Variants in AUTS2 observed in about 807,000 individuals in gnomAD.
AUTS2 encodes autism susceptibility gene 2 protein.
AUTS2 carries 17 observed loss-of-function variants against 112.4 expected under a neutral mutation model. That is an observed-to-expected ratio of 0.15 (90% CI 0.10 to 0.23). AUTS2 has a LOEUF of 0.23. AUTS2 is among the 10% of genes least tolerant of loss of function. The pLI, the probability that AUTS2 is intolerant of heterozygous loss-of-function variation, is 1.00. For synonymous variants in AUTS2, 751 were observed against 702.7 expected (o/e 1.07, Z -1.09); for missense variants, 1,510 against 1,701.6 (o/e 0.89, Z 1.98).
intron 1 of AUTS2, among the ~76,000 whole-genome samples, chr7:69,628,019 A>G (rs1360813593): frequency 6.6e-6 from 1 of 152,198 alleles, no homozygotes; most frequent in Admixed American, 6.5e-5. Flanking sequence ...TGTTTCAGGC[A>G]TTTCTTGTAT....
intron 4 of AUTS2, among the ~76,000 whole-genome samples, chr7:70,210,165 T>G (rs1197266241): frequency 1.3e-5 from 2 of 152,174 alleles, no homozygotes; most frequent in Admixed American, 1.3e-4. Context: ...AGAATAACCC[T>G]TCTCACTTCC....
intron 4 of AUTS2, among the ~76,000 whole-genome samples, chr7:70,243,668 A>T (rs1430029300): frequency 1.3e-5 from 2 of 152,180 alleles, no homozygotes; most frequent in Non-Finnish European, 2.9e-5. Flanking sequence ...GTAGTGACAC[A>T]TGGCATATTC....
At chr7:69,897,083 T>C (rs1173183639) in intron 1 of AUTS2, among the ~76,000 whole-genome samples, 2 of 152,228 alleles carry the variant, frequency 1.3e-5, no homozygotes, top group Non-Finnish European at 2.9e-5. Context: ...CAGTGCTACA[T>C]TGGTACTTGG....
intron 1 of AUTS2, among the ~76,000 whole-genome samples, chr7:69,799,753 CTT>C (rs1156893175): frequency 6.6e-6 from 1 of 152,102 alleles, no homozygotes; most frequent in South Asian, 2.1e-4. Flanking sequence ...GTGCCTCAGT[CTT>C]TTTTTCCTCA....
chr7:70,076,970 A>G (rs1033587900), intron 2 of AUTS2, among the ~76,000 whole-genome samples: 3 of 152,040 alleles, frequency 2.0e-5, no homozygotes, highest in Non-Finnish European at 1.5e-5. Flanking sequence ...GTGTAGATAT[A>G]TAGCCTAGGG....
At chr7:70,454,937 G>A (rs571650248) in intron 5 of AUTS2, among the ~76,000 whole-genome samples, 1 of 152,316 alleles carries the variant, frequency 6.6e-6, no homozygotes, top group Admixed American at 6.5e-5. Context: ...TGCTGTTCCT[G>A]TTGTCACTGG....
chr7:70,063,650 G>A (rs932656613), intron 2 of AUTS2, among the ~76,000 whole-genome samples: 2 of 152,142 alleles, frequency 1.3e-5, no homozygotes, highest in African/African-American at 4.8e-5. Context: ...ACACAGCAGT[G>A]GCAGTGTTCA....
At chr7:70,496,907 C>CA (rs1798560054) in intron 5 of AUTS2, among the ~76,000 whole-genome samples, 4 of 130,986 alleles carry the variant, frequency 3.1e-5, no homozygotes, top group Non-Finnish European at 3.2e-5. Flanking sequence ...ATCACACACC[C>CA]CTCACACACA....
intron 2 of AUTS2, among the ~76,000 whole-genome samples, chr7:69,988,149 C>T (rs937628414): frequency 6.6e-6 from 1 of 152,078 alleles, no homozygotes; most frequent in Admixed American, 6.6e-5. Flanking sequence ...TGATATTTGC[C>T]TTTTTTAGAG....
intron 1 of AUTS2, among the ~76,000 whole-genome samples, chr7:69,791,715 G>T (rs1488782635): frequency 2.0e-5 from 3 of 152,220 alleles, no homozygotes; most frequent in African/African-American, 7.2e-5. Flanking sequence ...ACTTACACAT[G>T]ACTATAGTCT....
At chr7:70,050,405 G>T (rs1801700051) in intron 2 of AUTS2, among the ~76,000 whole-genome samples, 1 of 148,724 alleles carries the variant, frequency 6.7e-6, no homozygotes, top group African/African-American at 2.5e-5. Flanking sequence ...TAATGGTCAA[G>T]GTTTTTAAGT....
At chr7:70,755,409 A>G (rs544600018) in intron 6 of AUTS2, among the ~76,000 whole-genome samples, 44 of 152,280 alleles carry the variant, frequency 2.9e-4, no homozygotes, top group African/African-American at 1.1e-3. Flanking sequence ...TCACGCCTGT[A>G]ATCCCAGCAC....
In AUTS2 at chr7:70,789,948, C is replaced by CTTT; in HGVS notation, c.2732_2733insTTT (p.Ala911_Lys912insLeu). The CTTT allele has an allele frequency of 6.2e-7, 1 of 1,613,766 alleles. No individual in the cohort carries two copies. Among genetic ancestry groups the CTTT allele is most frequent in the Middle Eastern group, 1.6e-4 (1 of 6,062 alleles). ...GACCTGGCCGCCGACGAGCACAAGG[C>CTTT]GAAAGAGGGCCACCTGCCCGAGAAG... On this transcript the variant is annotated inframe_insertion, in exon 19 of 19. Transcript: ENST00000342771.
chr7:70,788,087 GT>G (rs1237853719), intron 18 of AUTS2, among the ~76,000 whole-genome samples: 2 of 151,804 alleles, frequency 1.3e-5, no homozygotes, highest in Non-Finnish European at 2.9e-5. Context: ...ATGTCTTGGA[GT>G]TTTTTTTCCA....
intron 5 of AUTS2, among the ~76,000 whole-genome samples, chr7:70,463,122 A>C (rs1342543378): frequency 6.6e-6 from 1 of 152,228 alleles, no homozygotes; most frequent in Non-Finnish European, 1.5e-5. Flanking sequence ...GTTTAGATCT[A>C]CACATCTCCT....
chr7:70,350,897 C>T (rs193171962), intron 4 of AUTS2, among the ~76,000 whole-genome samples: 5,555 of 152,088 alleles, frequency 0.037, 147 homozygotes, highest in Non-Finnish European at 0.053. Flanking sequence ...CCCTGGTAAC[C>T]GCCATTGTGT....
chr7:70,672,995 G>A (rs1361998378), intron 5 of AUTS2, among the ~76,000 whole-genome samples: 1 of 152,210 alleles, frequency 6.6e-6, no homozygotes. Context: ...AAATGAGATG[G>A]GAGCTTAGCT....
At chr7:69,913,731 G>T (rs924867297) in intron 2 of AUTS2, among the ~76,000 whole-genome samples, 6 of 152,026 alleles carry the variant, frequency 3.9e-5, no homozygotes, top group African/African-American at 1.5e-4. Flanking sequence ...CCTCTCAACT[G>T]CTTCTCAGGG....
intron 4 of AUTS2, among the ~76,000 whole-genome samples, chr7:70,357,516 A>G (rs914792646): frequency 6.6e-6 from 1 of 152,088 alleles, no homozygotes; most frequent in Non-Finnish European, 1.5e-5. Flanking sequence ...CCAGAACAAC[A>G]TGTCTCCCAT....
Sources: allele counts gnomAD v4.1 joint callset (sites outside exome capture counted in the v4.1 genomes callset), GRCh38; gene constraint gnomAD v4.1.1; transcripts MANE v1.5; gene names NCBI Gene and HGNC (gene_info 2026-07-23, HGNC 2026-07-21).